The following TSHR variants were observed in gnomAD, a reference collection of about 807,000 sequenced individuals.
TSHR encodes thyrotropin receptor.
TSHR carries 51 observed loss-of-function variants against 64.1 expected under a neutral mutation model. The observed-to-expected ratio is 0.80, with a 90% confidence interval of 0.64 to 1.01. TSHR has a LOEUF of 1.01. Among genes scored for constraint, TSHR ranks in the 50% least tolerant of loss-of-function variants. The pLI, the probability that TSHR is intolerant of heterozygous loss-of-function variation, is 0.00. For missense variants in TSHR, 877 were observed against 942.8 expected, an observed-to-expected ratio of 0.93 and a Z score of 0.91; for synonymous variants, 361 against 361.9, an observed-to-expected ratio of 1.00 and a Z score of 0.03.
chr14:81,024,117 A>G (rs768571534), intron 1 of TSHR, among the ~76,000 whole-genome samples: 21 of 152,082 alleles, frequency 1.4e-4, no homozygotes, highest in Non-Finnish European at 3.1e-4. Context: ...TCTTTCTAAA[A>G]CTATCACACC....
intron 3 of TSHR, among the ~76,000 whole-genome samples, chr14:81,084,650 G>A (rs1452611528): frequency 6.6e-6 from 1 of 152,196 alleles, no homozygotes; most frequent in East Asian, 1.9e-4. Context: ...TGGAGGCACA[G>A]CCATCTTCAG....
intron 1 of TSHR, among the ~76,000 whole-genome samples, chr14:80,956,957 A>C (rs1316276133): frequency 6.6e-6 from 1 of 152,048 alleles, no homozygotes; most frequent in Non-Finnish European, 1.5e-5. Context: ...TCTTGATTAC[A>C]CCTCTACATA....
At chr14:81,096,907 C>T (rs1889237610) in intron 7 of TSHR, among the ~76,000 whole-genome samples, 200 bp downstream of exon 7, 1 of 141,552 alleles carries the variant, frequency 7.1e-6, no homozygotes, top group Non-Finnish European at 1.5e-5. Flanking sequence ...TGGTAAGTTC[C>T]AAAGCTTTTC....
chr14:81,038,881 C>T (rs1301153469), intron 1 of TSHR, among the ~76,000 whole-genome samples: 1 of 151,262 alleles, frequency 6.6e-6, no homozygotes, highest in East Asian at 1.9e-4. Flanking sequence ...TAATGAGTAA[C>T]AAGATTCAAT....
intron 8 of TSHR, among the ~76,000 whole-genome samples, chr14:81,114,502 T>A (rs534423368): frequency 5.9e-5 from 9 of 152,306 alleles, no homozygotes; most frequent in African/African-American, 1.7e-4. Context: ...CACGAGATTA[T>A]ATCCCGCACC....
At chr14:81,036,334 G>A (rs1234472231) in intron 1 of TSHR, among the ~76,000 whole-genome samples, 3 of 152,252 alleles carry the variant, frequency 2.0e-5, no homozygotes, top group Non-Finnish European at 4.4e-5. Context: ...CAAAAGCAGT[G>A]AGAGAAGAGA....
intron 1 of TSHR, among the ~76,000 whole-genome samples, chr14:80,956,682 T>TA (rs3216585): frequency 5.9e-5 from 9 of 151,292 alleles, no homozygotes; most frequent in South Asian, 2.1e-4. Context: ...CCAGTTAAGA[T>TA]AAAAAAAAAT....
chr14:81,105,179 T>C (rs765661955), intron 7 of TSHR: 1 of 985,424 alleles, frequency 1.0e-6, no homozygotes, highest in East Asian at 1.1e-4. Context: ...GTTACAAATG[T>C]GGATTTCAGA....
chr14:80,964,750 CTCACTA>C (rs11278055), intron 1 of TSHR, among the ~76,000 whole-genome samples: 3,755 of 152,264 alleles, frequency 0.025, 162 homozygotes, highest in African/African-American at 0.085. Context: ...TGTAAGTGTA[CTCACTA>C]TGACTCAATC....
At chr14:80,993,510 A>G (rs956210291) in intron 1 of TSHR, 2 of 152,222 alleles carry the variant, frequency 1.3e-5, no homozygotes, top group African/African-American at 4.8e-5. Context: ...TCCTATCAGT[A>G]AAGTTTTTGA....
intron 1 of TSHR, among the ~76,000 whole-genome samples, chr14:80,985,391 C>T (rs924653725): frequency 2.6e-5 from 4 of 152,202 alleles, no homozygotes; most frequent in African/African-American, 9.7e-5. Flanking sequence ...AGTAGGCAAG[C>T]CTGGGCATTT....
intron 1 of TSHR, among the ~76,000 whole-genome samples, chr14:81,036,788 A>G (rs1420794780): frequency 6.6e-6 from 1 of 152,206 alleles, no homozygotes; most frequent in East Asian, 1.9e-4. Flanking sequence ...TATAGCTACA[A>G]CAAGTTGTTA....
chr14:81,026,675 A>G (rs1208076613), intron 1 of TSHR, among the ~76,000 whole-genome samples: 1 of 152,168 alleles, frequency 6.6e-6, no homozygotes, highest in East Asian at 1.9e-4. Context: ...GCAATAAAAA[A>G]TGTTAAAAAA....
chr14:81,008,265 C>T lies in TSHR; in HGVS notation c.170+52415C>T, dbSNP rs201607153. 8.0e-4 allele frequency among the ~76,000 whole-genome samples: 122 copies of T among 151,946 alleles called. No homozygotes were observed. In the East Asian group the frequency reaches 9.9e-3, roughly 12 times the overall value. ...TCGGCTCACTGCAAGCTCCGCTTCC[C>T]GGGTTCACGCCATTCTTCTGCCTCA... On this transcript the variant is annotated intron_variant, in intron 1 of 9. Transcript: ENST00000298171.
At chr14:81,134,344 C>G (rs1384795952) in intron 8 of TSHR, among the ~76,000 whole-genome samples, 1 of 152,064 alleles carries the variant, frequency 6.6e-6, no homozygotes, top group Non-Finnish European at 1.5e-5. Context: ...CCATGTTGGT[C>G]AGGCTGGTCT....
chr14:81,139,074 C>CA (rs1434728047), intron 8 of TSHR, among the ~76,000 whole-genome samples: 3 of 152,172 alleles, frequency 2.0e-5, no homozygotes, highest in Non-Finnish European at 2.9e-5. Context: ...TTGTTAATAT[C>CA]AACACTTGAG....
chr14:81,002,781 CTTTTTTTTT>C (rs1174635270), intron 1 of TSHR, among the ~76,000 whole-genome samples: 2 of 44,324 alleles, frequency 4.5e-5, no homozygotes, highest in African/African-American at 2.0e-4. Flanking sequence ...CCTAATGCCT[CTTTTTTTTT>C]TTTTTTTTTT....
chr14:81,001,577 C>G, intron 1 of TSHR: 1 of 526,100 alleles, frequency 1.9e-6, no homozygotes, highest in South Asian at 1.4e-5. Flanking sequence ...TCCAGCCCCA[C>G]TGCTTGGCCT....
chr14:81,007,947 T>C (rs1253672103), intron 1 of TSHR, among the ~76,000 whole-genome samples: 1 of 152,182 alleles, frequency 6.6e-6, no homozygotes, highest in East Asian at 1.9e-4. Context: ...AATGATCTAC[T>C]TTTTTGCAAG....
Sources: allele counts gnomAD v4.1 joint callset (sites outside exome capture counted in the v4.1 genomes callset), GRCh38; gene constraint gnomAD v4.1.1; transcripts MANE v1.5; gene names NCBI Gene and HGNC (gene_info 2026-07-23, HGNC 2026-07-21).